Variants in ACSM3 observed in about 807,000 individuals in gnomAD.
The protein encoded by ACSM3 is acyl-CoA synthetase medium chain family member 3, also known as acyl-coenzyme A synthetase ACSM3, mitochondrial.
ACSM3 carries 61 observed loss-of-function variants against 74.1 expected under a neutral mutation model. The observed-to-expected ratio is 0.82, with a 90% confidence interval of 0.67 to 1.02. The LOEUF is 1.02. Ranked by LOEUF, ACSM3 falls within the 50% of genes least tolerant of loss-of-function variation. The pLI, the probability that ACSM3 is intolerant of heterozygous loss-of-function variation, is 0.00. For synonymous variants in ACSM3, 213 were observed against 241.5 expected, an observed-to-expected ratio of 0.88 and a Z score of 1.09; for missense variants, 660 against 697.0, an observed-to-expected ratio of 0.95 and a Z score of 0.60.
At chr16:20,718,074 C>T (rs1180343301) in intron 1 of ACSM3, among the ~76,000 whole-genome samples, 2 of 149,506 alleles carry the variant, frequency 1.3e-5, no homozygotes, top group African/African-American at 4.9e-5. Context: ...TTAGCAGGGA[C>T]TGATCTTCCA....
chr16:20,773,841 T>C (rs964436153), intron 2 of ACSM3, among the ~76,000 whole-genome samples: 5 of 152,360 alleles, frequency 3.3e-5, no homozygotes, highest in Middle Eastern at 6.8e-3. Context: ...TCTGTAGCTG[T>C]TGGATAAAAT....
chr16:20,729,077 C>T (rs1259066196), intron 1 of ACSM3, among the ~76,000 whole-genome samples: 1 of 152,194 alleles, frequency 6.6e-6, no homozygotes, highest in Non-Finnish European at 1.5e-5. Flanking sequence ...CAATGCAGTC[C>T]AGCATGGGCA....
chr16:20,749,499 A>C (rs375545085), intron 1 of ACSM3: 2 of 152,266 alleles, frequency 1.3e-5, no homozygotes, highest in South Asian at 2.1e-4. Flanking sequence ...TTACCAAGGG[A>C]ATCCCCTGTG....
chr16:20,674,452 C>A (rs111590267), upstream of ACSM3: 18 of 157,262 alleles, frequency 1.1e-4, no homozygotes, highest in Non-Finnish European at 2.4e-4. Flanking sequence ...TCCCTCCCCC[C>A]TCTCCACCCC....
At chr16:20,787,334 G>A (rs1322080185) in intron 9 of ACSM3, among the ~76,000 whole-genome samples, 6 of 152,172 alleles carry the variant, frequency 3.9e-5, no homozygotes, top group Non-Finnish European at 8.8e-5. Flanking sequence ...GTAAAGTTGG[G>A]AAATAGTAAG....
chr16:20,796,817 T>C, intron 13 of ACSM3, 69 bp from the exon 14 acceptor site: 2 of 1,593,242 alleles, frequency 1.3e-6, no homozygotes, highest in South Asian at 2.3e-5. Flanking sequence ...ATAATCAAAC[T>C]GCTATATAAT....
intron 1 of ACSM3, among the ~76,000 whole-genome samples, chr16:20,742,813 A>ATATTTTTTT (rs61582869): frequency 1.1e-3 from 74 of 66,810 alleles, no homozygotes; most frequent in African/African-American, 2.2e-3. Flanking sequence ...ATATATATAT[A>ATATTTTTTT]TTTTTTTTTT....
At chr16:20,779,771 CTTTTT>C (rs58558409) in intron 4 of ACSM3, 14 of 141,664 alleles carry the variant, frequency 9.9e-5, no homozygotes, top group South Asian at 3.8e-4. Context: ...GGTCAGCAAA[CTTTTT>C]TTTTTTTTTT....
intron 1 of ACSM3, among the ~76,000 whole-genome samples, chr16:20,711,171 A>G (rs908760780): frequency 6.6e-6 from 1 of 152,186 alleles, no homozygotes; most frequent in African/African-American, 2.4e-5. Flanking sequence ...ACTATATTCC[A>G]GACACTTATT....
At chr16:20,731,793 C>A in intron 1 of ACSM3, 1 of 280,458 alleles carries the variant, frequency 3.6e-6, no homozygotes, top group Non-Finnish European at 6.5e-6. Flanking sequence ...AAGACCTAAG[C>A]TAAAATGTAG....
At chr16:20,789,684 CTTTT>C (rs561663756) in intron 9 of ACSM3, 1,216 of 443,240 alleles carry the variant, frequency 2.7e-3, no homozygotes, top group East Asian at 3.4e-3. Flanking sequence ...CTCTATTTTT[CTTTT>C]TTTTTTTTTT....
chr16:20,754,193 GAGA>G (rs1444070323), intron 2 of ACSM3, among the ~76,000 whole-genome samples: 9 of 152,190 alleles, frequency 5.9e-5, no homozygotes, highest in African/African-American at 2.2e-4. Flanking sequence ...AATAAGAGGG[GAGA>G]AGGAGAGGTA....
intron 1 of ACSM3, among the ~76,000 whole-genome samples, chr16:20,694,727 T>C (rs550067559): frequency 6.6e-6 from 1 of 152,198 alleles, no homozygotes; most frequent in African/African-American, 2.4e-5. Context: ...CCCATGAATG[T>C]ATGTGGTGAA....
At chr16:20,675,878 A>G (rs2020245816) in intron 1 of ACSM3, among the ~76,000 whole-genome samples, 1 of 152,222 alleles carries the variant, frequency 6.6e-6, no homozygotes, top group African/African-American at 2.4e-5. Context: ...CTACGGAGTT[A>G]AAGGTAAAGT....
intron 1 of ACSM3, chr16:20,733,700 A>G (rs2079845262): frequency 1.3e-5 from 2 of 152,056 alleles, no homozygotes; most frequent in African/African-American, 2.4e-5. Context: ...TTTTCTGAAA[A>G]TATCAGGAAC....
chr16:20,792,211 G>C, intron 11 of ACSM3, 25 bp from the exon 12 acceptor site: 1 of 1,614,008 alleles, frequency 6.2e-7, no homozygotes, highest in Non-Finnish European at 8.5e-7. Context: ...TCACCTGTAT[G>C]TATTCCTGCC....
chr16:20,747,886 A>C (rs2079964520), intron 1 of ACSM3, among the ~76,000 whole-genome samples: 2 of 152,198 alleles, frequency 1.3e-5, no homozygotes, highest in Non-Finnish European at 2.9e-5. Context: ...CACGCCTGTA[A>C]TCCTAGCATT....
chr16:20,737,356 T>C, intron 1 of ACSM3: 1 of 1,472,870 alleles, frequency 6.8e-7, no homozygotes, highest in Non-Finnish European at 9.1e-7. Flanking sequence ...AAAAAATCTT[T>C]TGTCTCTGTT....
intron 1 of ACSM3, among the ~76,000 whole-genome samples, chr16:20,685,847 C>CA (rs1491230287): frequency 7.7e-5 from 7 of 91,032 alleles, no homozygotes; most frequent in Non-Finnish European, 1.3e-4. Flanking sequence ...AAAAAAAAAA[C>CA]AAAAAACTTA....
Sources: gnomAD v4.1 joint callset for allele counts (sites outside exome capture counted in the v4.1 genomes callset) on GRCh38, gnomAD v4.1.1 for gene constraint, MANE v1.5 for transcripts, NCBI Gene and HGNC (gene_info 2026-07-23, HGNC 2026-07-21) for gene names.